The following MGMT variants were observed in gnomAD, a reference collection of about 807,000 sequenced individuals.
MGMT encodes the protein methylated-DNA--protein-cysteine methyltransferase.
A neutral mutation model predicts 15.9 loss-of-function variants in MGMT; 14 were observed. That is an observed-to-expected ratio of 0.88 (90% CI 0.58 to 1.37). The LOEUF (loss-of-function observed/expected upper bound fraction) is 1.37. MGMT is among the 40% of genes most tolerant of loss of function. The pLI, the probability that MGMT is intolerant of heterozygous loss-of-function variation, is 0.00. For missense variants in MGMT, 282 were observed against 268.1 expected (o/e 1.05, Z -0.36); for synonymous variants, 130 against 118.2 (o/e 1.10, Z -0.65).
intron 2 of MGMT, among the ~76,000 whole-genome samples, chr10:129,640,594 C>G (rs1028118297): frequency 2.0e-5 from 3 of 151,742 alleles, no homozygotes; most frequent in African/African-American, 7.3e-5. Flanking sequence ...AGAAAATACA[C>G]GAGGAAATAC....
chr10:129,469,339 C>T (rs1845205084), intron 1 of MGMT, among the ~76,000 whole-genome samples: 1 of 152,176 alleles, frequency 6.6e-6, no homozygotes, highest in Admixed American at 6.5e-5. Flanking sequence ...GTGATTCAGA[C>T]CTTCCATTTT....
chr10:129,663,263 T>C (rs1055790277), intron 2 of MGMT, among the ~76,000 whole-genome samples: 1 of 152,168 alleles, frequency 6.6e-6, no homozygotes, highest in African/African-American at 2.4e-5. Context: ...AAACCTATTC[T>C]TGAATGAAAG....
At chr10:129,629,645 A>G (rs972045346) in intron 2 of MGMT, among the ~76,000 whole-genome samples, 3 of 152,174 alleles carry the variant, frequency 2.0e-5, no homozygotes, top group African/African-American at 2.4e-5. Context: ...AGAATTAATC[A>G]TTCTTTGCAT....
At chr10:129,506,859 C>T (rs1372713977) in intron 1 of MGMT, among the ~76,000 whole-genome samples, 1 of 152,146 alleles carries the variant, frequency 6.6e-6, no homozygotes, top group Non-Finnish European at 1.5e-5. Flanking sequence ...TTTCTTAGTC[C>T]TTGGATTTGG....
intron 1 of MGMT, among the ~76,000 whole-genome samples, chr10:129,534,531 C>T (rs1454119607): frequency 1.3e-5 from 2 of 151,774 alleles, no homozygotes; most frequent in South Asian, 2.1e-4. Context: ...GTTTGCGGTC[C>T]GCTGCCCGAC....
intron 1 of MGMT, among the ~76,000 whole-genome samples, chr10:129,520,487 T>TTCA (rs1223882272): frequency 6.6e-6 from 1 of 151,904 alleles, no homozygotes; most frequent in African/African-American, 2.4e-5. Context: ...GCCCCTATGG[T>TTCA]GCAGGTGCAG....
At chr10:129,518,925 A>C (rs1845774524) in intron 1 of MGMT, among the ~76,000 whole-genome samples, 1 of 151,642 alleles carries the variant, frequency 6.6e-6, no homozygotes, top group African/African-American at 2.4e-5. Flanking sequence ...GTATTATAGT[A>C]GCTCTGTGCA....
At chr10:129,537,976 C>T (rs934339481) in intron 2 of MGMT, among the ~76,000 whole-genome samples, 3 of 151,744 alleles carry the variant, frequency 2.0e-5, no homozygotes, top group Non-Finnish European at 2.9e-5. Flanking sequence ...GAAAGGAGGG[C>T]GTGTCATATA....
chr10:129,523,168 G>A (rs1418834774), intron 1 of MGMT, among the ~76,000 whole-genome samples: 1 of 152,234 alleles, frequency 6.6e-6, no homozygotes, highest in African/African-American at 2.4e-5. Flanking sequence ...GTTGTGAGGA[G>A]TGTGCTGCTG....
intron 3 of MGMT, among the ~76,000 whole-genome samples, chr10:129,721,969 A>G (rs1407798754): frequency 1.3e-5 from 2 of 152,146 alleles, no homozygotes; most frequent in Non-Finnish European, 2.9e-5. Flanking sequence ...ATAAAAAGAC[A>G]TAGATTAGTA....
chr10:129,513,604 C>T lies in MGMT; in HGVS notation c.-12-22637C>T, dbSNP rs549615815. 1.1e-4 allele frequency among the ~76,000 whole-genome samples: 17 copies of T among 152,270 alleles called. No homozygotes were observed. In the South Asian group the frequency reaches 2.9e-3, roughly 26 times the overall value. On this transcript the variant is annotated intron_variant, in intron 1 of 4. Transcript: ENST00000651593. ...GAAACGTGACCCCGCGGCTCCTCTT[C>T]AGAGCCTCGGGGACCACCAAGGCAG...
chr10:129,656,029 A>G (rs887123246), intron 2 of MGMT, among the ~76,000 whole-genome samples: 2 of 152,182 alleles, frequency 1.3e-5, no homozygotes, highest in Non-Finnish European at 2.9e-5. Flanking sequence ...TCAGCTAGCC[A>G]AGCTCTTCAC....
intron 2 of MGMT, among the ~76,000 whole-genome samples, chr10:129,615,838 G>A (rs923429354): frequency 2.0e-5 from 3 of 152,142 alleles, no homozygotes; most frequent in Admixed American, 6.5e-5. Flanking sequence ...GACAGGAAGG[G>A]TCCAGGTATA....
Position 129,606,997 on chromosome 10 carries a change from T to G in MGMT, c.125+70620T>G, listed in dbSNP as rs1334261739. Among the ~76,000 whole-genome samples the G allele has an allele frequency of 2.0e-5, 3 of 152,236 alleles. No individual in the cohort carries two copies. In the South Asian group the frequency reaches 6.2e-4, roughly 32 times the overall value. On this transcript the variant is annotated intron_variant, in intron 2 of 4. Coordinates refer to ENST00000651593, the MANE Select transcript of MGMT (RefSeq NM_002412.5). The stretch of plus-strand genomic sequence containing the variant: ...TTTAAATGGGCTGGGAAAGCCCGTT[T>G]TTTCTCTGCAAATTTATAGGACAAC...
intron 2 of MGMT, among the ~76,000 whole-genome samples, chr10:129,589,179 G>A (rs1452842038): frequency 1.3e-5 from 2 of 152,256 alleles, no homozygotes; most frequent in African/African-American, 4.8e-5. Context: ...GGACGTCATG[G>A]TGTCTGTTCT....
chr10:129,513,837 G>A (rs1164702628), intron 1 of MGMT, among the ~76,000 whole-genome samples: 1 of 152,224 alleles, frequency 6.6e-6, no homozygotes, highest in Non-Finnish European at 1.5e-5. Flanking sequence ...CTGAGCCCCA[G>A]TTACAGTCAG....
At chr10:129,749,243 A>C (rs1848727553) in intron 3 of MGMT, among the ~76,000 whole-genome samples, 1 of 152,156 alleles carries the variant, frequency 6.6e-6, no homozygotes, top group Admixed American at 6.5e-5. Flanking sequence ...TAACATGCAG[A>C]ATAATTTTAC....
rs1846362161 is a variant in MGMT at position 129,566,968 on chromosome 10, C to T, written c.125+30591C>T. Among the ~76,000 whole-genome samples, 4 of 152,102 alleles carry T rather than the reference C, an allele frequency of 2.6e-5. No homozygotes were observed. The highest frequency in any genetic ancestry group is 2.4e-5 in the African/African-American group (1 of 41,424). On this transcript the variant is annotated intron_variant, in intron 2 of 4. Transcript: ENST00000651593. This position sits in a 1 kb window ranked among gnomAD's most constrained non-coding sequence, Gnocchi z 4.1. ...GTGCCATCTCTCTTGGCGGGTGACA[C>T]GTAACTGTTACAAATGGGTGCCTGT...
chr10:129,757,003 C>T (rs1848814693), intron 3 of MGMT, among the ~76,000 whole-genome samples: 1 of 152,242 alleles, frequency 6.6e-6, no homozygotes, highest in Non-Finnish European at 1.5e-5. Context: ...GTTCGAAGCA[C>T]TGTGCTCTTT....
Sources: gnomAD v4.1 joint callset for allele counts (sites outside exome capture counted in the v4.1 genomes callset) on GRCh38, gnomAD v4.1.1 for gene constraint, Gnocchi (gnomAD v3.1) non-coding constraint, MANE v1.5 for transcripts, NCBI Gene and HGNC (gene_info 2026-07-23, HGNC 2026-07-21) for gene names.